GIMAP2: variants seen among roughly 807,000 people sequenced by gnomAD.
GIMAP2 encodes GTPase, IMAP family member 2, also known as GTPase IMAP family member 2.
GIMAP2 carries 22 observed loss-of-function variants against 25.5 expected under a neutral mutation model. The ratio of observed to expected loss-of-function variants is 0.86; its 90% CI spans 0.62 to 1.23. The LOEUF is 1.23. GIMAP2 is among the 50% of genes most tolerant of loss of function. The pLI is 0.00. For synonymous variants in GIMAP2, 167 were observed against 143.0 expected, an observed-to-expected ratio of 1.17 and a Z score of -1.20; for missense variants, 422 against 395.7, an observed-to-expected ratio of 1.07 and a Z score of -0.56.
chr7:150,690,595 G>A lies in GIMAP2; in HGVS notation c.29-1720G>A, dbSNP rs112277327. Among the ~76,000 whole-genome samples the A allele has an allele frequency of 2.6e-4, 40 of 152,320 alleles. 1 individual carries two copies. The highest frequency in any genetic ancestry group is 9.4e-4 in the African/African-American group (39 of 41,570). On this transcript the variant is annotated intron_variant, in intron 2 of 2. Transcript: ENST00000223293. ...TTTCACTAACTATTTAGGTGACTTT[G>A]TCCAAGTTACTTAACCCCTGCATGC...
At chr7:150,686,919 G>C (rs1472416296) in intron 1 of GIMAP2, 133 bp from the exon 2 acceptor site, 3 of 624,878 alleles carry the variant, frequency 4.8e-6, no homozygotes, top group Non-Finnish European at 5.4e-6. Flanking sequence ...ACTCCAGCCT[G>C]GGTGACAGAG....
chr7:150,688,801 A>T (rs1796934170), intron 2 of GIMAP2, among the ~76,000 whole-genome samples: 1 of 152,174 alleles, frequency 6.6e-6, no homozygotes, highest in Non-Finnish European at 1.5e-5. Context: ...ATTACAGCAG[A>T]CACCCTCCAC....
intron 2 of GIMAP2, among the ~76,000 whole-genome samples, 172 bp from the exon 3 acceptor site, chr7:150,692,142 GT>G (rs1563355486): frequency 6.6e-6 from 1 of 151,868 alleles, no homozygotes; most frequent in East Asian, 1.9e-4. Context: ...GGAGAATGGC[GT>G]GAACCCGGGA....
rs534930765 is a variant in GIMAP2, at chr7:150,693,338, G to T, written c.*38G>T. 1 of 1,363,790 alleles carries T rather than the reference G, an allele frequency of 7.3e-7. No individual in the cohort carries two copies. The highest frequency in any genetic ancestry group is 9.9e-7 in the Non-Finnish European group (1 of 1,007,422). 84.5% of individuals were successfully genotyped at this position (1,363,790 alleles called of 1,614,324 possible). On this transcript the variant is annotated 3_prime_UTR_variant, in exon 3 of 3. Transcript: ENST00000223293. Reference sequence around the variant, plus strand: ...GTTATTATTTACTCACTATCATTTAGTGGGTGAATCACAGTAATTTCCCTG... The same window carrying T: ...GTTATTATTTACTCACTATCATTTATTGGGTGAATCACAGTAATTTCCCTG...
intron 2 of GIMAP2, among the ~76,000 whole-genome samples, chr7:150,688,860 C>T (rs1363028265): frequency 1.3e-5 from 2 of 152,190 alleles, no homozygotes; most frequent in African/African-American, 2.4e-5. Flanking sequence ...GCAGGCTTCC[C>T]GCCAGAGGCT....
At chr7:150,687,214 TC>T in intron 2 of GIMAP2, 127 bp downstream of exon 2, 1 of 775,984 alleles carries the variant, frequency 1.3e-6, no homozygotes, top group Non-Finnish European at 2.1e-6. Flanking sequence ...TTATTCTAAC[TC>T]CCACAGCTAC....
chr7:150,689,365 G>A (rs1299339690), intron 2 of GIMAP2: 2 of 543,002 alleles, frequency 3.7e-6, no homozygotes, highest in Admixed American at 3.0e-5. Context: ...GGCTTTGGAT[G>A]CAGAGAATTC....
At position 150,692,681 on chromosome 7, in the gene GIMAP2, T is replaced by C. The variant is rs1210261414; in HGVS notation, c.395T>C (p.Ile132Thr). Residue 132 changes from isoleucine (I) to threonine (T), a missense_variant, in exon 3 of 3, where the codon ATC (isoleucine) becomes ACC (threonine). Coordinates refer to ENST00000223293, the MANE Select transcript of GIMAP2 (RefSeq NM_015660.3). ...DQQAAQRVKEIFGEDAMGHTI... is the reference protein window; with the variant it reads ...DQQAAQRVKETFGEDAMGHTI... ...CAGGCTGCACAGAGGGTGAAGGAGA[T>C]CTTTGGAGAGGATGCCATGGGACAC... is the stretch of plus-strand genomic sequence containing the variant. The C allele has an allele frequency of 3.7e-6, 6 of 1,613,948 alleles. No homozygotes were observed. The Admixed American group carries it at 1.0e-4, about 27-fold the overall frequency.
chr7:150,693,365 A>T lies in GIMAP2; in HGVS notation c.*65A>T. On this transcript the variant is annotated 3_prime_UTR_variant, in exon 3 of 3. Coordinates refer to ENST00000223293, the MANE Select transcript of GIMAP2 (RefSeq NM_015660.3). ...GGGTGAATCACAGTAATTTCCCTGT[A>T]AAATGTGGTACCTGAAGTCATATTT... is the stretch of plus-strand genomic sequence containing the variant. The T allele has an allele frequency of 9.4e-7, 1 of 1,062,716 alleles. No individual in the cohort carries two copies. The highest frequency in any genetic ancestry group is 2.4e-5 in the East Asian group (1 of 41,328). The allele number at this position is 1,062,716 out of a possible 1,614,324, so 65.8% of individuals were successfully genotyped here.
intron 2 of GIMAP2, among the ~76,000 whole-genome samples, chr7:150,688,871 G>A (rs1033887275): frequency 1.3e-5 from 2 of 152,200 alleles, no homozygotes; most frequent in Non-Finnish European, 2.9e-5. Context: ...GCCAGAGGCT[G>A]CGCCCTCTCT....
Position 150,687,228 on chromosome 7 carries a change from C to T in GIMAP2, c.28+141C>T, listed in dbSNP as rs111900612. The T allele has an allele frequency of 1.0e-4, 72 of 688,116 alleles. 3 individuals are homozygous for T. The African/African-American group carries it at 1.1e-3, about 11-fold the overall frequency. 42.6% of individuals were successfully genotyped at this position (688,116 alleles called of 1,614,324 possible). On this transcript the variant is annotated intron_variant, in intron 2 of 2. Transcript: ENST00000223293. The stretch of plus-strand genomic sequence containing the variant: ...CTTATTCTAACTCCCACAGCTACCA[C>T]CACCAGCAGCTGAAAATTGTGGGGT...
chr7:150,693,170 G>A lies in GIMAP2; in HGVS notation c.884G>A (p.Cys295Tyr). 1 of 1,613,572 alleles carries A rather than the reference G, an allele frequency of 6.2e-7. No homozygotes were observed. Among genetic ancestry groups the A allele is most frequent in the Non-Finnish European group, 8.5e-7 (1 of 1,179,682 alleles). Residue 295 changes from cysteine to tyrosine, a missense_variant, in exon 3 of 3, where the codon TGC becomes TAC. Cys to Tyr is a radical substitution (Grantham distance 194). Coordinates refer to ENST00000223293, the MANE Select transcript of GIMAP2 (RefSeq NM_015660.3). ...TGGCTTTGCATACTGCACAGCATGTGCAATTTGTTTTGTTGCTTACTCTTT... is the reference window on the plus strand; with the variant it reads ...TGGCTTTGCATACTGCACAGCATGTACAATTTGTTTTGTTGCTTACTCTTT... ...ILWLCILHSMCNLFCCLLFSM... is the reference protein window; with the variant it reads ...ILWLCILHSMYNLFCCLLFSM...
At chr7:150,691,301 T>A (rs1461500011) in intron 2 of GIMAP2, among the ~76,000 whole-genome samples, 1 of 152,232 alleles carries the variant, frequency 6.6e-6, no homozygotes, top group East Asian at 1.9e-4. Flanking sequence ...CCATGGCTCC[T>A]ATGCCTTCCC....
rs1388345476 is a variant in GIMAP2, at chr7:150,687,096, G to C, written c.28+9G>C. ...TGAACACAGTCACTGGGGTAAGAAGGTGACTTCACGTGTGTGTGTGTGTGT... is the reference window on the plus strand; with the variant it reads ...TGAACACAGTCACTGGGGTAAGAAGCTGACTTCACGTGTGTGTGTGTGTGT... On this transcript the variant is annotated intron_variant, in intron 2 of 2. Transcript: ENST00000223293. 5.6e-6 allele frequency: 9 copies of C among 1,598,532 alleles called. No homozygotes were observed. Among genetic ancestry groups the C allele is most frequent in the Non-Finnish European group, 6.8e-6 (8 of 1,169,192 alleles).
intron 2 of GIMAP2, chr7:150,689,449 C>G (rs1285600847): frequency 4.3e-6 from 3 of 699,708 alleles, no homozygotes; most frequent in South Asian, 3.0e-5. Context: ...GGACTCCCAC[C>G]GCTTCTCTTC....
intron 2 of GIMAP2, chr7:150,687,317 G>C (rs938454606): frequency 9.4e-6 from 4 of 424,574 alleles, no homozygotes; most frequent in Non-Finnish European, 1.7e-5. Flanking sequence ...CTGTCACCCA[G>C]GCCGGAGTGC....
In GIMAP2 at chr7:150,692,169, G is replaced by C. The variant is rs1037939608; in HGVS notation, c.29-146G>C. On this transcript the variant is annotated intron_variant, in intron 2 of 2. Transcript: ENST00000223293. ...GAACCCGGGAGGTGGAGCTTGCAGT[G>C]ACCCGAGATCACGCCATTGCACTCC... 4 of 706,856 alleles carry C rather than the reference G, an allele frequency of 5.7e-6. No individual in the cohort carries two copies. In the African/African-American group the frequency reaches 7.2e-5, roughly 13 times the overall value. 43.8% of individuals were successfully genotyped at this position (706,856 alleles called of 1,614,324 possible).
rs144012473 is a variant in GIMAP2, at chr7:150,691,854, A to G, written c.29-461A>G. ...GGCAATACCCTGCAGTCCTACAGCA[A>G]TCAAGTTAGCTTTCATTTCACGTGA... On this transcript the variant is annotated intron_variant, in intron 2 of 2. Transcript: ENST00000223293. Among the ~76,000 whole-genome samples the G allele has an allele frequency of 4.1e-3, 632 of 152,358 alleles. 4 individuals are homozygous for G. The highest frequency in any genetic ancestry group is 0.015 in the African/African-American group (612 of 41,572).
At chr7:150,687,155 T>TGTGTGTGTGTGTGTGTGTGTGTGTG (rs1796913382) in intron 2 of GIMAP2, 68 bp downstream of exon 2, 1 of 1,106,044 alleles carries the variant, frequency 9.0e-7, no homozygotes, top group African/African-American at 1.7e-5. Context: ...TGTGTGTGTG[T>TGTGTGTGTGTGTGTGTGTGTGTGTG]TTGGCTCTTC....
Sources: allele counts gnomAD v4.1 joint callset (sites outside exome capture counted in the v4.1 genomes callset), GRCh38; gene constraint gnomAD v4.1.1; transcripts MANE v1.5; gene names NCBI Gene and HGNC (gene_info 2026-07-23, HGNC 2026-07-21).